ZNF362: variants seen among roughly 807,000 people sequenced by gnomAD.
ZNF362 encodes rotund homolog.
A neutral mutation model predicts 42.9 loss-of-function variants in ZNF362; 11 were observed. The observed-to-expected ratio is 0.26, with a 90% CI of 0.16 to 0.42. The LOEUF is 0.42. Among genes scored for constraint, ZNF362 ranks in the 20% least tolerant of loss-of-function variants. ZNF362 has a pLI of 1.00. For synonymous variants in ZNF362, 255 were observed against 257.3 expected (o/e 0.99, Z 0.09); for missense variants, 362 against 576.2 (o/e 0.63, Z 3.81).
chr1:33,132,191 C>CT, the ZNF362 span, among the ~76,000 whole-genome samples: 1 of 152,230 alleles, frequency 6.6e-6, no homozygotes, highest in South Asian at 2.1e-4. Flanking sequence ...CTGCCTACTG[C>CT]TTTTTTCCCA....
At chr1:33,178,585 C>T in the ZNF362 span, among the ~76,000 whole-genome samples, 2 of 152,196 alleles carry the variant, frequency 1.3e-5, no homozygotes, top group Admixed American at 6.5e-5. Context: ...TGCCTTTGAA[C>T]CTCAAATAGC....
chr1:33,203,627 CAT>C, the ZNF362 span, among the ~76,000 whole-genome samples: 12 of 152,262 alleles, frequency 7.9e-5, no homozygotes, highest in East Asian at 2.3e-3. Flanking sequence ...ACACTCTTAA[CAT>C]GTGTTATCTC....
At chr1:33,272,857 C>T (rs1439391790) in intron 2 of ZNF362, among the ~76,000 whole-genome samples, 3 of 152,274 alleles carry the variant, frequency 2.0e-5, no homozygotes, top group Non-Finnish European at 4.4e-5. Flanking sequence ...GTGCTGTTCA[C>T]TGTCCCAAGC....
rs185418462 is a variant in ZNF362, at chr1:33,294,874, G to A, written c.909-63G>A. ...GCTTAGGGGCCAGAGTAAGGACTTGGGAACTGGAGCGGTCTTGGGGTGTGT... is the reference window on the plus strand; with the variant it reads ...GCTTAGGGGCCAGAGTAAGGACTTGAGAACTGGAGCGGTCTTGGGGTGTGT... On this transcript the variant is annotated intron_variant, in intron 6 of 8. Coordinates refer to ENST00000539719, the MANE Select transcript of ZNF362 (RefSeq NM_152493.3). The surrounding 1 kb of genome is among the most constrained non-coding windows in gnomAD (Gnocchi z 4.2). 101 of 1,584,782 alleles carry A rather than the reference G, an allele frequency of 6.4e-5. No homozygotes were observed. The East Asian group carries it at 2.2e-3, about 34-fold the overall frequency.
At chr1:33,170,229 C>A in the ZNF362 span, among the ~76,000 whole-genome samples, 4 of 151,910 alleles carry the variant, frequency 2.6e-5, no homozygotes, top group South Asian at 2.1e-4. Context: ...ACTTGGGAGG[C>A]TGAGGAGCAA....
chr1:33,270,664 T>C (rs779448129), intron 2 of ZNF362, 52 bp downstream of exon 2: 12 of 1,600,066 alleles, frequency 7.5e-6, no homozygotes, highest in South Asian at 3.4e-5. Flanking sequence ...GTTTGTTCTT[T>C]GGGGGATTAA....
chr1:33,191,021 T>A, the ZNF362 span, among the ~76,000 whole-genome samples: 3 of 152,214 alleles, frequency 2.0e-5, no homozygotes, highest in African/African-American at 4.8e-5. Flanking sequence ...TCCTCAGAGA[T>A]CTGAGTTTTG....
At chr1:33,155,164 T>C in the ZNF362 span, among the ~76,000 whole-genome samples, 5 of 149,402 alleles carry the variant, frequency 3.3e-5, no homozygotes, top group Admixed American at 2.6e-4. Flanking sequence ...CTTCACCGCC[T>C]GGGTTCAAGC....
At chr1:33,237,071 A>T in the ZNF362 span, among the ~76,000 whole-genome samples, 1 of 152,172 alleles carries the variant, frequency 6.6e-6, no homozygotes, top group Non-Finnish European at 1.5e-5. Flanking sequence ...TTCTGTCTCA[A>T]AAAAAACTCC....
At chr1:33,199,124 T>G in the ZNF362 span, among the ~76,000 whole-genome samples, 120 of 152,202 alleles carry the variant, frequency 7.9e-4, no homozygotes, top group African/African-American at 2.8e-3. Context: ...AAGAAACATC[T>G]GAAAAATTTC....
chr1:33,158,846 CTT>C, the ZNF362 span, among the ~76,000 whole-genome samples: 1 of 145,558 alleles, frequency 6.9e-6, no homozygotes. Context: ...TCTTTTTTTT[CTT>C]TTTTTTTTTG....
the ZNF362 span, among the ~76,000 whole-genome samples, chr1:33,138,626 CAAA>C: frequency 9.1e-5 from 6 of 66,102 alleles, no homozygotes; most frequent in Admixed American, 5.1e-4. Context: ...ACAACAACAA[CAAA>C]AAAAAAAAAA....
the ZNF362 span, among the ~76,000 whole-genome samples, chr1:33,192,690 G>C: frequency 6.6e-6 from 1 of 152,118 alleles, no homozygotes; most frequent in Non-Finnish European, 1.5e-5. Flanking sequence ...AGAGTCATTG[G>C]TTAAGAGTGG....
the ZNF362 span, among the ~76,000 whole-genome samples, chr1:33,221,723 C>T: frequency 2.6e-5 from 4 of 152,264 alleles, no homozygotes; most frequent in East Asian, 5.8e-4. Flanking sequence ...TTTCACTAAG[C>T]TGGTGTTTCA....
the ZNF362 span, among the ~76,000 whole-genome samples, chr1:33,203,552 G>A: frequency 1.3e-5 from 2 of 152,132 alleles, no homozygotes; most frequent in African/African-American, 4.8e-5. Flanking sequence ...CCTCCATGCT[G>A]TTTTCCACAA....
the ZNF362 span, among the ~76,000 whole-genome samples, chr1:33,240,459 G>A: frequency 6.6e-6 from 1 of 152,120 alleles, no homozygotes; most frequent in African/African-American, 2.4e-5. Flanking sequence ...TATATATTCA[G>A]TATACATATA....
chr1:33,192,959 G>A, the ZNF362 span, among the ~76,000 whole-genome samples: 114,436 of 148,104 alleles, frequency 0.77, 43,790 homozygotes, highest in Admixed American at 0.8. Context: ...AAATATATAC[G>A]TATATATATG....
rs926962692 is a variant in ZNF362 at position 33,280,937 on chromosome 1, T to G, written c.683+480T>G. Among the ~76,000 whole-genome samples, 6 of 152,060 alleles carry G rather than the reference T, an allele frequency of 3.9e-5. No individual in the cohort carries two copies. Among genetic ancestry groups the G allele is most frequent in the Non-Finnish European group, 7.4e-5 (5 of 67,998 alleles). ...TACAAAAGTTAGCCGGGCATGGTGGTGCGCCCCTGTAATCCTAGCTACTCA... is the reference window on the plus strand; with the variant it reads ...TACAAAAGTTAGCCGGGCATGGTGGGGCGCCCCTGTAATCCTAGCTACTCA... On this transcript the variant is annotated intron_variant, in intron 5 of 8. Coordinates refer to ENST00000539719, the MANE Select transcript of ZNF362 (RefSeq NM_152493.3). The surrounding 1 kb of genome is among the most constrained non-coding windows in gnomAD (Gnocchi z 5.6).
chr1:33,182,817 T>G, the ZNF362 span, among the ~76,000 whole-genome samples: 3 of 146,226 alleles, frequency 2.1e-5, no homozygotes, highest in African/African-American at 5.1e-5. Flanking sequence ...CTGTTGGGGG[T>G]GGGGTGGAGA....
Sources: allele counts gnomAD v4.1 joint callset (sites outside exome capture counted in the v4.1 genomes callset), GRCh38; gene constraint gnomAD v4.1.1; non-coding constraint Gnocchi (gnomAD v3.1); transcripts MANE v1.5; gene names NCBI Gene and HGNC (gene_info 2026-07-23, HGNC 2026-07-21).